TUSC3: variants seen among roughly 807,000 people sequenced by gnomAD.
The protein encoded by TUSC3 is tumor suppressor candidate 3.
In TUSC3, 45 loss-of-function variants were observed where a neutral mutation model predicts 44.8. That is an observed-to-expected ratio of 1.00 (90% CI 0.79 to 1.29). TUSC3 has a LOEUF of 1.29. Ranked by LOEUF, TUSC3 falls within the 50% of genes most tolerant of loss-of-function variation. The pLI, the probability that TUSC3 is intolerant of heterozygous loss-of-function variation, is 0.00. For missense variants in TUSC3, 519 were observed against 437.9 expected (o/e 1.19, Z -1.65); for synonymous variants, 212 against 152.9 (o/e 1.39, Z -2.85).
intron 6 of TUSC3, among the ~76,000 whole-genome samples, chr8:15,707,911 T>C (rs1175634892): frequency 6.6e-6 from 1 of 151,970 alleles, no homozygotes; most frequent in African/African-American, 2.4e-5. Flanking sequence ...TCTTAGGTTC[T>C]AGTAGTTGCT....
rs147449218 is a variant in TUSC3 at position 15,679,525 on chromosome 8, T to C, written c.798+5689T>C. Among the ~76,000 whole-genome samples the C allele has an allele frequency of 1.3e-3, 192 of 152,286 alleles. 2 individuals carry two copies. Among genetic ancestry groups the C allele is most frequent in the East Asian group, 0.011 (57 of 5,182 alleles). ...CTTTATCAGATACATAGTTTGTATT[T>C]TCTCCTGTTGTGTAGGTTGTCAATT... On this transcript the variant is annotated intron_variant, in intron 6 of 10. Transcript: ENST00000503731.
intron 7 of TUSC3, among the ~76,000 whole-genome samples, chr8:15,736,435 A>G (rs1036648703): frequency 1.3e-5 from 2 of 152,206 alleles, no homozygotes; most frequent in African/African-American, 2.4e-5. Flanking sequence ...AAAACTCTTT[A>G]TATAATTTCC....
the TUSC3 span, among the ~76,000 whole-genome samples, chr8:15,828,117 C>G: frequency 6.6e-6 from 1 of 151,908 alleles, no homozygotes; most frequent in Admixed American, 6.6e-5. Flanking sequence ...GCCTCAGCCA[C>G]TCAAATAGCT....
intron 1 of TUSC3, among the ~76,000 whole-genome samples, chr8:15,437,935 G>A (rs997469081): frequency 6.6e-6 from 1 of 152,136 alleles, no homozygotes; most frequent in Non-Finnish European, 1.5e-5. Flanking sequence ...TCCCAAAGTG[G>A]TCGTATGAGA....
At chr8:15,713,121 G>A (rs1391884400) in intron 6 of TUSC3, among the ~76,000 whole-genome samples, 1 of 152,094 alleles carries the variant, frequency 6.6e-6, no homozygotes, top group Admixed American at 6.6e-5. Context: ...TTTTGTAAAA[G>A]TCGTAAAAGG....
At chr8:15,834,357 G>A in the TUSC3 span, among the ~76,000 whole-genome samples, 6 of 152,004 alleles carry the variant, frequency 3.9e-5, no homozygotes, top group East Asian at 9.7e-4. Context: ...TCTTTCTCTT[G>A]TCTCATTGTG....
intron 1 of TUSC3, among the ~76,000 whole-genome samples, chr8:15,605,418 C>G (rs543519707): frequency 6.6e-6 from 1 of 151,848 alleles, no homozygotes; most frequent in Non-Finnish European, 1.5e-5. Context: ...ATAAACATAA[C>G]CATTTATCTT....
At chr8:15,433,690 C>A (rs1029187367) in intron 1 of TUSC3, among the ~76,000 whole-genome samples, 4 of 152,094 alleles carry the variant, frequency 2.6e-5, no homozygotes, top group Non-Finnish European at 5.9e-5. Context: ...CTAAATGGAG[C>A]CATACAGCAC....
chr8:15,705,862 A>G (rs1809594865), intron 6 of TUSC3, among the ~76,000 whole-genome samples: 2 of 152,010 alleles, frequency 1.3e-5, no homozygotes, highest in African/African-American at 4.8e-5. Context: ...ACATATTATC[A>G]GATAAAACTG....
intron 2 of TUSC3, among the ~76,000 whole-genome samples, chr8:15,519,221 C>T (rs566980123): frequency 2.0e-5 from 3 of 152,248 alleles, no homozygotes; most frequent in African/African-American, 7.2e-5. Context: ...TGGCTAATTT[C>T]AGGATAGTTT....
chr8:15,445,183 TG>T (rs1800078014), intron 1 of TUSC3, among the ~76,000 whole-genome samples: 1 of 152,128 alleles, frequency 6.6e-6, no homozygotes, highest in Admixed American at 6.5e-5. Context: ...GGGATCTCCT[TG>T]GATTAGGGAT....
At chr8:15,643,297 A>G (rs1585185468) in intron 2 of TUSC3, among the ~76,000 whole-genome samples, 1 of 152,222 alleles carries the variant, frequency 6.6e-6, no homozygotes. Flanking sequence ...AGAATGGACT[A>G]ATACAGTAAG....
intron 1 of TUSC3, among the ~76,000 whole-genome samples, chr8:15,587,587 C>G (rs996516900): frequency 1.3e-5 from 2 of 152,142 alleles, no homozygotes; most frequent in East Asian, 3.9e-4. Context: ...CCAGAATCCT[C>G]TCTTCTAGGT....
intron 2 of TUSC3, among the ~76,000 whole-genome samples, chr8:15,505,099 T>G (rs940366012): frequency 2.6e-5 from 4 of 152,154 alleles, no homozygotes; most frequent in African/African-American, 9.7e-5. Flanking sequence ...TGTAAAAATA[T>G]GACAGATTGC....
At chr8:15,847,600 T>A in the TUSC3 span, among the ~76,000 whole-genome samples, 1 of 152,180 alleles carries the variant, frequency 6.6e-6, no homozygotes, top group Non-Finnish European at 1.5e-5. Flanking sequence ...GGGTAGGGAT[T>A]TTAAAGTACT....
chr8:15,582,962 A>G (rs1563302546), intron 1 of TUSC3, among the ~76,000 whole-genome samples: 1 of 152,198 alleles, frequency 6.6e-6, no homozygotes, highest in African/African-American at 2.4e-5. Flanking sequence ...CTTGCTTCCC[A>G]AATCAAATCT....
the TUSC3 span, among the ~76,000 whole-genome samples, chr8:15,829,757 T>C: frequency 6.6e-6 from 1 of 152,248 alleles, no homozygotes; most frequent in African/African-American, 2.4e-5. Context: ...ATTTAATATT[T>C]AATTAATTTA....
chr8:15,446,495 G>A (rs1800104266), intron 1 of TUSC3, among the ~76,000 whole-genome samples: 1 of 152,062 alleles, frequency 6.6e-6, no homozygotes, highest in Non-Finnish European at 1.5e-5. Flanking sequence ...GGAGGCCCAG[G>A]CGGGCAGATC....
the TUSC3 span, among the ~76,000 whole-genome samples, chr8:15,835,493 T>G: frequency 6.6e-6 from 1 of 152,284 alleles, no homozygotes; most frequent in Admixed American, 6.5e-5. Flanking sequence ...GTTACTAACT[T>G]CTTGAGTGGG....
Sources: gnomAD v4.1 joint callset for allele counts (sites outside exome capture counted in the v4.1 genomes callset) on GRCh38, gnomAD v4.1.1 for gene constraint, MANE v1.5 for transcripts, NCBI Gene and HGNC (gene_info 2026-07-23, HGNC 2026-07-21) for gene names.